CCNJ: variants seen among roughly 807,000 people sequenced by gnomAD.
The protein encoded by CCNJ is cyclin J, also known as cyclin-J.
A neutral mutation model predicts 41.4 loss-of-function variants in CCNJ; 12 were observed. The ratio of observed to expected loss-of-function variants is 0.29; its 90% confidence interval spans 0.19 to 0.47. The LOEUF is 0.47. CCNJ is among the 20% of genes least tolerant of loss of function. The probability of loss-of-function intolerance (pLI) is 1.00; values close to 1 mark genes in which losing one functional copy is unlikely to be tolerated. For missense variants in CCNJ, 340 were observed against 464.6 expected, an observed-to-expected ratio of 0.73 and a Z score of 2.47; for synonymous variants, 161 against 173.4, an observed-to-expected ratio of 0.93 and a Z score of 0.56.
chr10:96,056,707 T>C lies in CCNJ; in HGVS notation c.287T>C (p.Phe96Ser), dbSNP rs2080706778. ...ALSCLLLASKFEEKEDSVPKL... is the reference protein window; with the variant it reads ...ALSCLLLASKSEEKEDSVPKL... Reference sequence around the variant, plus strand: ...CATCCCCTTTTCTTATAAGGTAAATTTGAAGAAAAAGAAGACAGTGTGCCT... The same window carrying C: ...CATCCCCTTTTCTTATAAGGTAAATCTGAAGAAAAAGAAGACAGTGTGCCT... The change falls in exon 4 of 6, where the codon TTT (phenylalanine) becomes TCT (serine). Residue 96 changes from phenylalanine (F) to serine (S), a missense_variant. Transcript: ENST00000465148. The C allele has an allele frequency of 6.3e-7, 1 of 1,585,850 alleles. No individual in the cohort carries two copies. Among genetic ancestry groups the C allele is most frequent in the Non-Finnish European group, 8.6e-7 (1 of 1,168,512 alleles).
upstream of CCNJ, chr10:96,043,536 A>G (rs1313494127): frequency 5.1e-6 from 2 of 393,658 alleles, no homozygotes; most frequent in Admixed American, 8.9e-5. Flanking sequence ...CGGGGCCTCA[A>G]GTGCCCCCGC....
Position 96,044,389 on chromosome 10 carries a change from G to T in CCNJ, c.-5G>T, listed in dbSNP as rs201461707. 6.5e-7 allele frequency: 1 copy of T among 1,534,372 alleles called. No individual in the cohort carries two copies. Among genetic ancestry groups the T allele is most frequent in the Non-Finnish European group, 8.8e-7 (1 of 1,133,716 alleles). On this transcript the variant is annotated 5_prime_UTR_variant, in exon 2 of 6. Coordinates refer to ENST00000465148, the MANE Select transcript of CCNJ (RefSeq NM_001134375.2). ...CGCGTCGGGCTGGGCGCGCCGCCGG[G>T]TCCCATGGAGCTGGAGGGGCAGTGG... is the stretch of plus-strand genomic sequence containing the variant.
Position 96,058,606 on chromosome 10 carries a change from G to A in CCNJ, c.*365G>A, listed in dbSNP as rs536925007. On this transcript the variant is annotated 3_prime_UTR_variant, in exon 6 of 6. Transcript: ENST00000465148. ...GCCTAATGTTGGCTTCTAAGTCAAA[G>A]ACTAAATGTTTATCTCATCTATGGA... 1.2e-4 allele frequency: 50 copies of A among 412,662 alleles called. No individual in the cohort carries two copies. The East Asian group carries it at 1.6e-3, about 13-fold the overall frequency. 25.6% of individuals were successfully genotyped at this position (412,662 alleles called of 1,614,324 possible).
At position 96,057,242 on chromosome 10, in the gene CCNJ, G is replaced by C. The variant is rs200803306; in HGVS notation, c.735G>C (p.Leu245=). 21 of 1,613,146 alleles carry C rather than the reference G, an allele frequency of 1.3e-5. No individual in the cohort carries two copies. The highest frequency in any genetic ancestry group is 3.3e-5 in the Admixed American group (2 of 59,916). The change falls in exon 5 of 6, where the codon CTG becomes CTC. Residue 245 remains leucine (L), a synonymous_variant. Coordinates refer to ENST00000465148, the MANE Select transcript of CCNJ (RefSeq NM_001134375.2). The part of the protein sequence containing the change: ...WDFLVQCIER[L]LIAHDNDVKE... ...TCTTAGTGCAGTGTATTGAACGACT[G>C]TTGATGTAAGCCTTTTTATTCTTGT...
chr10:96,043,885 C>T (rs2080282886), intron 1 of CCNJ, among the ~76,000 whole-genome samples, 166 bp downstream of exon 1: 1 of 152,170 alleles, frequency 6.6e-6, no homozygotes. Context: ...GAGGAGCAGG[C>T]TCCCGACGTC....
rs1248900728 is a variant in CCNJ at position 96,058,967 on chromosome 10, G to GTAC, written c.*731_*733dup. On this transcript the variant is annotated 3_prime_UTR_variant, in exon 6 of 6. Coordinates refer to ENST00000465148, the MANE Select transcript of CCNJ (RefSeq NM_001134375.2). ...AAAATACATTTAACTCAGGGAATTT[G>GTAC]TACTACTTGGAAACACTTAACTGTA... 2.0e-5 allele frequency: 3 copies of GTAC among 152,948 alleles called. No homozygotes were observed. Among genetic ancestry groups the GTAC allele is most frequent in the Non-Finnish European group, 2.9e-5 (2 of 68,354 alleles). 9.5% of individuals were successfully genotyped at this position (152,948 alleles called of 1,614,324 possible).
At chr10:96,055,252 A>G (rs370600678) in intron 3 of CCNJ, among the ~76,000 whole-genome samples, 3 of 152,208 alleles carry the variant, frequency 2.0e-5, no homozygotes, top group African/African-American at 7.2e-5. Flanking sequence ...AAGGAAGTTC[A>G]CCTCTCTGCC....
At chr10:96,044,550 C>G in intron 2 of CCNJ, 88 bp downstream of exon 2, 1 of 1,024,690 alleles carries the variant, frequency 9.8e-7, no homozygotes, top group East Asian at 3.0e-5. Flanking sequence ...TAGTCAGGTT[C>G]TTTACTCACT....
At chr10:96,057,779 A>G in intron 5 of CCNJ, 51 bp from the exon 6 acceptor site, 1 of 1,548,394 alleles carries the variant, frequency 6.5e-7, no homozygotes, top group Non-Finnish European at 8.8e-7. Flanking sequence ...TTTCTTGCAG[A>G]TTTCTTCTCA....
In CCNJ at chr10:96,059,581, T is replaced by C. The variant is rs960068777; in HGVS notation, c.*1340T>C. ...AACTGATAAACTGTATACATTGTGC[T>C]CCTTTCTGTGGGAGAAGAAAGATTT... On this transcript the variant is annotated 3_prime_UTR_variant, in exon 6 of 6. Coordinates refer to ENST00000465148, the MANE Select transcript of CCNJ (RefSeq NM_001134375.2). The C allele has an allele frequency of 3.7e-5, 5 of 136,638 alleles. No individual in the cohort carries two copies. Among genetic ancestry groups the C allele is most frequent in the African/African-American group, 7.4e-5 (3 of 40,362 alleles). 8.5% of individuals were successfully genotyped at this position (136,638 alleles called of 1,614,324 possible). A position where few individuals can be genotyped will look rare whatever the true frequency, so the allele number is the denominator to read the frequency against.
rs2142076165 is a variant in CCNJ at position 96,059,115 on chromosome 10, G to T, written c.*874G>T. The T allele has an allele frequency of 6.5e-6, 1 of 152,728 alleles. No homozygotes were observed. Among genetic ancestry groups the T allele is most frequent in the Admixed American group, 6.5e-5 (1 of 15,292 alleles). The allele number at this position is 152,728 out of a possible 1,614,324, so 9.5% of individuals were successfully genotyped here. ...AGCTCAGAATGAAGTGGTAGTTCCT[G>T]TGATTCATAATACATATGTAGGTTT... On this transcript the variant is annotated 3_prime_UTR_variant, in exon 6 of 6. Transcript: ENST00000465148.
At chr10:96,057,346 G>A (rs1327342620) in intron 5 of CCNJ, 99 bp downstream of exon 5, 1 of 1,040,192 alleles carries the variant, frequency 9.6e-7, no homozygotes, top group African/African-American at 1.6e-5. Flanking sequence ...AGAGTTCCTA[G>A]GTTATTTGCT....
chr10:96,050,359 C>G lies in CCNJ; in HGVS notation c.173C>G (p.Pro58Arg). ...AIVSNRFTLC[P>R]SARHLAVYLL... ...GTGAGCAATCGCTTCACACTCTGCC[C>G]TTCTGCCCGCCATCTTGCTGTCTAT... is the stretch of plus-strand genomic sequence containing the variant. Residue 58 changes from proline to arginine, a missense_variant, in exon 3 of 6, where the codon CCT (proline) becomes CGT (arginine). By Grantham distance (103) the Pro-to-Arg change is moderately radical. Coordinates refer to ENST00000465148, the MANE Select transcript of CCNJ (RefSeq NM_001134375.2). 6.2e-7 allele frequency: 1 copy of G among 1,614,068 alleles called. No homozygotes were observed. The highest frequency in any genetic ancestry group is 8.5e-7 in the Non-Finnish European group (1 of 1,179,954).
At chr10:96,046,850 T>G (rs2080378712) in intron 2 of CCNJ, among the ~76,000 whole-genome samples, 1 of 152,196 alleles carries the variant, frequency 6.6e-6, no homozygotes, top group Non-Finnish European at 1.5e-5. Context: ...GTATAGTTAG[T>G]GTCATAGGCT....
At chr10:96,055,184 A>G (rs1157995588) in intron 3 of CCNJ, among the ~76,000 whole-genome samples, 1 of 152,216 alleles carries the variant, frequency 6.6e-6, no homozygotes, top group East Asian at 1.9e-4. Context: ...TCAAGTCTGA[A>G]TTACTTAAGT....
intron 3 of CCNJ, among the ~76,000 whole-genome samples, chr10:96,053,909 T>G (rs1331414811): frequency 6.7e-6 from 1 of 149,354 alleles, no homozygotes; most frequent in East Asian, 1.9e-4. Context: ...TATAAATTTG[T>G]GATAATTCTT....
In CCNJ at chr10:96,057,928, C is replaced by T; in HGVS notation, c.839C>T (p.Ser280Leu). ...LSVFQTASQP[S>L]RPVHFQQPQY... ...GTATTCCAGACAGCCTCCCAGCCAT[C>T]ACGGCCAGTTCACTTTCAGCAACCT... The change falls in exon 6 of 6, where the codon TCA becomes TTA. Residue 280 changes from serine (S) to leucine (L), a missense_variant. Ser to Leu is a moderately radical substitution (Grantham distance 145, BLOSUM62 -2). Around this residue, in one of 3 missense-constraint regions of CCNJ, gnomAD observed 159 missense variants for 168.2 expected, o/e 0.95. Transcript: ENST00000465148. The T allele has an allele frequency of 6.2e-7, 1 of 1,614,218 alleles. No homozygotes were observed. Among genetic ancestry groups the T allele is most frequent in the South Asian group, 1.1e-5 (1 of 91,082 alleles).
chr10:96,053,736 C>T (rs1399991301), intron 3 of CCNJ, among the ~76,000 whole-genome samples: 1 of 152,124 alleles, frequency 6.6e-6, no homozygotes, highest in African/African-American at 2.4e-5. Flanking sequence ...GTGCTTGTTT[C>T]CCCTTGCCAA....
chr10:96,049,280 C>A (rs2080450747), intron 2 of CCNJ, among the ~76,000 whole-genome samples: 1 of 151,970 alleles, frequency 6.6e-6, no homozygotes, highest in African/African-American at 2.4e-5. Context: ...ATCCTTTGCC[C>A]ATTTTTATAA....
Sources: gnomAD v4.1 joint callset for allele counts (sites outside exome capture counted in the v4.1 genomes callset) on GRCh38, gnomAD v4.1.1 for gene constraint, gnomAD v4.1.1 regional missense constraint, MANE v1.5 for transcripts, NCBI Gene and HGNC (gene_info 2026-07-23, HGNC 2026-07-21) for gene names.